SH3BGRL2: variants seen among roughly 807,000 people sequenced by gnomAD.
The protein encoded by SH3BGRL2 is SH3 domain binding glutamate rich protein like 2.
Under a neutral mutation model 14.8 loss-of-function variants are expected in SH3BGRL2, and 21 were observed. The ratio of observed to expected loss-of-function variants is 1.42; its 90% confidence interval spans 1.01 to 2.05. The LOEUF (loss-of-function observed/expected upper bound fraction) is 2.05, where lower values mean the gene tolerates loss of function less well. SH3BGRL2 is among the 30% of genes most tolerant of loss of function. The pLI, the probability that SH3BGRL2 is intolerant of heterozygous loss-of-function variation, is 0.00. For synonymous variants in SH3BGRL2, 50 were observed against 47.8 expected (o/e 1.05, Z -0.19); for missense variants, 147 against 130.8 (o/e 1.12, Z -0.61).
At chr6:79,585,718 A>G in the SH3BGRL2 span, among the ~76,000 whole-genome samples, 1 of 150,402 alleles carries the variant, frequency 6.6e-6, no homozygotes, top group Non-Finnish European at 1.5e-5. Flanking sequence ...CTTCACATTC[A>G]TTTCTTCCTA....
At chr6:79,664,221 A>T (rs781323599) in intron 1 of SH3BGRL2, among the ~76,000 whole-genome samples, 2 of 152,188 alleles carry the variant, frequency 1.3e-5, no homozygotes, top group African/African-American at 2.4e-5. Context: ...CTCAGTTGGA[A>T]ATGCAGAAAT....
At chr6:79,627,261 C>T (rs1327383810), upstream of SH3BGRL2, among the ~76,000 whole-genome samples, 1 of 152,218 alleles carries the variant, frequency 6.6e-6, no homozygotes, top group East Asian at 1.9e-4. Flanking sequence ...ATTTGAAGGA[C>T]CTGCATGTAT....
the SH3BGRL2 span, among the ~76,000 whole-genome samples, chr6:79,621,729 A>G: frequency 2.0e-5 from 3 of 152,074 alleles, no homozygotes; most frequent in African/African-American, 7.2e-5. Context: ...AACAGACCTT[A>G]ACCCGTCGTG....
the SH3BGRL2 span, among the ~76,000 whole-genome samples, chr6:79,603,958 C>T: frequency 6.6e-6 from 1 of 152,076 alleles, no homozygotes; most frequent in Non-Finnish European, 1.5e-5. Flanking sequence ...GTGCGCGTTA[C>T]CACACCTGGG....
At chr6:79,564,401 A>C in the SH3BGRL2 span, among the ~76,000 whole-genome samples, 1 of 52,986 alleles carries the variant, frequency 1.9e-5, no homozygotes. Flanking sequence ...AAAATTCAAT[A>C]GCAGTTTGTG....
At chr6:79,648,324 T>C (rs1482324075) in intron 1 of SH3BGRL2, among the ~76,000 whole-genome samples, 1 of 137,920 alleles carries the variant, frequency 7.3e-6, no homozygotes, top group Non-Finnish European at 1.6e-5. Context: ...AATATTTGAC[T>C]TATATATATT....
rs1202590238 is a variant in SH3BGRL2, at chr6:79,644,989, G to T, written c.45+13483G>T. Among the ~76,000 whole-genome samples the T allele has an allele frequency of 2.6e-5, 4 of 152,024 alleles. 1 individual carries two copies. In the South Asian group the frequency reaches 8.3e-4, roughly 32 times the overall value. On this transcript the variant is annotated intron_variant, in intron 1 of 3. Transcript: ENST00000369838. ...AGCCTGGCCAAAGTGGTGAAACCCT[G>T]TCTCTACTAAAAATGCAAAAATTAG...
intron 1 of SH3BGRL2, among the ~76,000 whole-genome samples, chr6:79,659,816 G>A (rs1313572466): frequency 6.6e-6 from 1 of 152,050 alleles, no homozygotes; most frequent in Admixed American, 6.6e-5. Flanking sequence ...TTATTTCTTT[G>A]AGCAGTGGTT....
At chr6:79,641,258 A>G (rs1769029842) in intron 1 of SH3BGRL2, among the ~76,000 whole-genome samples, 1 of 150,648 alleles carries the variant, frequency 6.6e-6, no homozygotes, top group Admixed American at 6.6e-5. Context: ...AATTATGTTC[A>G]TTAGCGTGGT....
At chr6:79,566,910 A>G in the SH3BGRL2 span, among the ~76,000 whole-genome samples, 2 of 151,880 alleles carry the variant, frequency 1.3e-5, no homozygotes, top group Admixed American at 6.6e-5. Context: ...AAAAAAAAAA[A>G]AAAAGAAAGA....
the SH3BGRL2 span, among the ~76,000 whole-genome samples, chr6:79,565,435 T>C: frequency 6.6e-6 from 1 of 152,218 alleles, no homozygotes; most frequent in Non-Finnish European, 1.5e-5. Context: ...CCATATTTTA[T>C]TTAAAAATTA....
chr6:79,593,922 G>A, the SH3BGRL2 span, among the ~76,000 whole-genome samples: 7 of 152,002 alleles, frequency 4.6e-5, no homozygotes, highest in African/African-American at 1.7e-4. Context: ...TTCATCAGGA[G>A]GCTGAGGCAG....
chr6:79,699,463 C>CTTTTTTTTTTT (rs35728679), intron 3 of SH3BGRL2, 35 bp from the exon 4 acceptor site: 5 of 880,964 alleles, frequency 5.7e-6, no homozygotes, highest in Admixed American at 4.3e-5. Context: ...CAATAACTGA[C>CTTTTTTTTTTT]TTTTTTTTTT....
chr6:79,560,867 C>CTTTTTTTTTTTTTTTTTT, the SH3BGRL2 span, among the ~76,000 whole-genome samples: 1 of 45,744 alleles, frequency 2.2e-5, no homozygotes, highest in Non-Finnish European at 3.8e-5. Flanking sequence ...ACAATACACT[C>CTTTTTTTTTTTTTTTTTT]TTTTTTTTTT....
chr6:79,629,216 C>A (rs1007712908), upstream of SH3BGRL2, among the ~76,000 whole-genome samples: 2 of 152,168 alleles, frequency 1.3e-5, no homozygotes, highest in Non-Finnish European at 2.9e-5. Context: ...TTTACAAATT[C>A]TCTGTTGTTC....
intron 2 of SH3BGRL2, among the ~76,000 whole-genome samples, chr6:79,674,736 A>C (rs1452669316): frequency 1.3e-5 from 2 of 151,952 alleles, no homozygotes; most frequent in Non-Finnish European, 2.9e-5. Flanking sequence ...TGTGTAGATT[A>C]TACAGAGAAT....
At chr6:79,647,532 C>G (rs1452054778) in intron 1 of SH3BGRL2, among the ~76,000 whole-genome samples, 1 of 152,006 alleles carries the variant, frequency 6.6e-6, no homozygotes, top group Non-Finnish European at 1.5e-5. Context: ...ATGGCATGAT[C>G]CTTCCCCCCA....
At chr6:79,553,919 G>T in the SH3BGRL2 span, among the ~76,000 whole-genome samples, 9 of 150,526 alleles carry the variant, frequency 6.0e-5, no homozygotes, top group African/African-American at 2.2e-4. Context: ...AGTGAGCCGA[G>T]ATTGTGCCAC....
chr6:79,633,082 C>T (rs757517675), intron 1 of SH3BGRL2, among the ~76,000 whole-genome samples: 19 of 152,182 alleles, frequency 1.2e-4, no homozygotes, highest in Non-Finnish European at 2.9e-5. Flanking sequence ...TTTTGGTACT[C>T]CACATCTTTG....
Sources: gnomAD v4.1 joint callset for allele counts (sites outside exome capture counted in the v4.1 genomes callset) on GRCh38, gnomAD v4.1.1 for gene constraint, MANE v1.5 for transcripts, NCBI Gene and HGNC (gene_info 2026-07-23, HGNC 2026-07-21) for gene names.